The following LOC400499 variants were observed in gnomAD, a reference collection of about 807,000 sequenced individuals.
the LOC400499 span, among the ~76,000 whole-genome samples, chr16:11,519,610 T>G: frequency 6.6e-6 from 1 of 151,878 alleles, no homozygotes; most frequent in Non-Finnish European, 1.5e-5. Flanking sequence ...TTTTAAAGGA[T>G]GAAGTTCTGC....
At chr16:11,455,840 T>G in the LOC400499 span, among the ~76,000 whole-genome samples, 1 of 151,964 alleles carries the variant, frequency 6.6e-6, no homozygotes, top group African/African-American at 2.4e-5. Flanking sequence ...AACTTTAATC[T>G]TTTAGATTAA....
chr16:11,415,623 C>T, the LOC400499 span, among the ~76,000 whole-genome samples: 10 of 152,198 alleles, frequency 6.6e-5, no homozygotes, highest in African/African-American at 1.7e-4. Flanking sequence ...GGGACACAAT[C>T]CCCACACCTG....
At chr16:11,514,367 G>C in the LOC400499 span, 30 of 399,094 alleles carry the variant, frequency 7.5e-5, no homozygotes, top group Admixed American at 1.1e-3. Context: ...ACCTGTGCCC[G>C]CTGGATCTTG....
the LOC400499 span, among the ~76,000 whole-genome samples, chr16:11,527,125 C>A: frequency 4.6e-5 from 7 of 152,242 alleles, no homozygotes; most frequent in Admixed American, 2.0e-4. Flanking sequence ...CAGTCACTGC[C>A]ATCAGCGGCC....
chr16:11,448,066 T>A, the LOC400499 span: 1 of 1,534,724 alleles, frequency 6.5e-7, no homozygotes, highest in Non-Finnish European at 8.7e-7. Flanking sequence ...CACCTGGGTC[T>A]TCCGGGGCTG....
At chr16:11,520,664 CAAAAAAA>C in the LOC400499 span, among the ~76,000 whole-genome samples, 25 of 63,152 alleles carry the variant, frequency 4.0e-4, no homozygotes, top group Admixed American at 1.9e-3. Context: ...GAGACTCCAT[CAAAAAAA>C]AAAAAAAAAA....
At chr16:11,483,632 A>C in the LOC400499 span, among the ~76,000 whole-genome samples, 1 of 151,912 alleles carries the variant, frequency 6.6e-6, no homozygotes, top group African/African-American at 2.4e-5. Context: ...TTGAGAGGCC[A>C]AGGCAGGAGG....
the LOC400499 span, among the ~76,000 whole-genome samples, chr16:11,448,751 G>A: frequency 3.9e-5 from 6 of 151,936 alleles, 1 homozygote; most frequent in East Asian, 1.2e-3. Context: ...GAAGGAAAAG[G>A]AAAAAGGAAA....
At chr16:11,428,235 C>G in the LOC400499 span, among the ~76,000 whole-genome samples, 17 of 144,136 alleles carry the variant, frequency 1.2e-4, no homozygotes, top group African/African-American at 4.9e-4. Flanking sequence ...AGTGCCGTGG[C>G]GTAATCTCTC....
the LOC400499 span, among the ~76,000 whole-genome samples, chr16:11,497,662 A>C: frequency 1.3e-5 from 2 of 152,202 alleles, no homozygotes; most frequent in African/African-American, 4.8e-5. Flanking sequence ...TGCCAGGACA[A>C]CTGGGCCAGC....
chr16:11,512,660 A>C, the LOC400499 span, among the ~76,000 whole-genome samples: 1 of 152,184 alleles, frequency 6.6e-6, no homozygotes, highest in Non-Finnish European at 1.5e-5. Flanking sequence ...TACAACTCTG[A>C]ATATACTAAA....
chr16:11,468,340 G>C, the LOC400499 span, among the ~76,000 whole-genome samples: 1 of 152,012 alleles, frequency 6.6e-6, no homozygotes, highest in South Asian at 2.1e-4. Context: ...TTCTTTTTTT[G>C]AGAGACAGGG....
the LOC400499 span, among the ~76,000 whole-genome samples, chr16:11,475,275 C>A: frequency 6.6e-6 from 1 of 152,066 alleles, no homozygotes; most frequent in African/African-American, 2.4e-5. Flanking sequence ...CACATGTACA[C>A]CTATGTAACA....
the LOC400499 span, chr16:11,390,173 C>G: frequency 1.6e-6 from 2 of 1,232,312 alleles, no homozygotes; most frequent in Non-Finnish European, 2.0e-6. Flanking sequence ...AGAACGTGGC[C>G]TCAGCCCAAG....
the LOC400499 span, among the ~76,000 whole-genome samples, chr16:11,434,456 C>A: frequency 6.6e-6 from 1 of 152,064 alleles, no homozygotes; most frequent in African/African-American, 2.4e-5. Flanking sequence ...GGGGCAGTCT[C>A]GCACACTTAA....
chr16:11,413,446 C>T, the LOC400499 span, among the ~76,000 whole-genome samples: 4 of 152,050 alleles, frequency 2.6e-5, no homozygotes, highest in African/African-American at 9.7e-5. Flanking sequence ...GAAGCATTGG[C>T]GCCTGGCTCT....
At chr16:11,460,051 G>A in the LOC400499 span, 1 of 1,423,772 alleles carries the variant, frequency 7.0e-7, no homozygotes, top group Non-Finnish European at 9.2e-7. Context: ...TGCCAGAGCT[G>A]GACCTGGGAC....
At chr16:11,448,866 C>A in the LOC400499 span, 1 of 1,344,262 alleles carries the variant, frequency 7.4e-7, no homozygotes, top group South Asian at 1.8e-5. Flanking sequence ...GGTAGGAAAC[C>A]GAGGTGAGGG....
chr16:11,500,354 T>C, the LOC400499 span, among the ~76,000 whole-genome samples: 1 of 151,502 alleles, frequency 6.6e-6, no homozygotes, highest in Non-Finnish European at 1.5e-5. Flanking sequence ...CTGAAAAAAA[T>C]ACAAAACTTA....
Sources: allele counts gnomAD v4.1 joint callset (sites outside exome capture counted in the v4.1 genomes callset), GRCh38; gene constraint gnomAD v4.1.1; transcripts MANE v1.5.